The following ADGRD2 variants were observed in gnomAD, a reference collection of about 807,000 sequenced individuals.
ADGRD2 encodes adhesion G protein-coupled receptor D2.
Under a neutral mutation model 44.4 loss-of-function variants are expected in ADGRD2, and 71 were observed. The observed-to-expected ratio is 1.60, with a 90% confidence interval of 1.32 to 1.95. ADGRD2 has a LOEUF of 1.95. ADGRD2 is among the 30% of genes most tolerant of loss of function. The pLI is 0.00. For missense variants in ADGRD2, 1,039 were observed against 512.4 expected (o/e 2.03, Z -9.92); for synonymous variants, 481 against 224.8 (o/e 2.14, Z -10.19).
intron 10 of ADGRD2, chr9:124,466,029 A>G (rs1831816467): frequency 5.7e-6 from 2 of 352,970 alleles, no homozygotes; most frequent in Non-Finnish European, 1.0e-5. Flanking sequence ...TGGCTCAGTA[A>G]TTAATTAAGT....
Position 124,475,495 on chromosome 9 carries a change from TG to T in ADGRD2, c.2800+13del, listed in dbSNP as rs1445788501. 2.8e-6 allele frequency: 2 copies of T among 714,758 alleles called. No homozygotes were observed. Among genetic ancestry groups the T allele is most frequent in the South Asian group, 1.5e-5 (1 of 67,100 alleles). The allele number at this position is 714,758 out of a possible 1,614,324, so 44.3% of individuals were successfully genotyped here. Reference sequence around the variant, plus strand: ...GCTGCCTGCAATGAGGAGGTGAGTCTGGGGGTGCCGGCTGCAGGGAGAGGGG... The same window carrying T: ...GCTGCCTGCAATGAGGAGGTGAGTCTGGGGTGCCGGCTGCAGGGAGAGGGG... On this transcript the variant is annotated intron_variant, in intron 18 of 21. Transcript: ENST00000334810.
At chr9:124,471,945 T>C (rs964923297) in intron 17 of ADGRD2, among the ~76,000 whole-genome samples, 13 of 152,270 alleles carry the variant, frequency 8.5e-5, no homozygotes, top group African/African-American at 3.1e-4. Flanking sequence ...CATGGCTGGG[T>C]TCAGTCTGGC....
chr9:124,463,760 G>C (rs1831761450), intron 10 of ADGRD2, among the ~76,000 whole-genome samples: 1 of 152,188 alleles, frequency 6.6e-6, no homozygotes, highest in Non-Finnish European at 1.5e-5. Flanking sequence ...CACATCTGTA[G>C]ACTCTACAGT....
chr9:124,462,835 C>G (rs886918615), intron 10 of ADGRD2, among the ~76,000 whole-genome samples: 1 of 152,142 alleles, frequency 6.6e-6, no homozygotes, highest in African/African-American at 2.4e-5. Flanking sequence ...ATGTTGTCTG[C>G]CAATAAAGGC....
chr9:124,470,439 G>T (rs1488076327), intron 16 of ADGRD2, 55 bp from the exon 20 acceptor site: 2 of 688,152 alleles, frequency 2.9e-6, no homozygotes, highest in African/African-American at 1.8e-5. Flanking sequence ...CTGGAGCCCT[G>T]CGGGGAGCTC....
At chr9:124,459,566 A>C (rs976100233) in intron 10 of ADGRD2, among the ~76,000 whole-genome samples, 2 of 152,174 alleles carry the variant, frequency 1.3e-5, no homozygotes, top group Non-Finnish European at 2.9e-5. Flanking sequence ...CCAAGGATTC[A>C]AGCAACCATG....
chr9:124,457,705 A>T, intron 8 of ADGRD2, 99 bp downstream of exon 11: 1 of 538,514 alleles, frequency 1.9e-6, no homozygotes, highest in Non-Finnish European at 3.3e-6. Context: ...TCAGATCCTC[A>T]GTTTGCTCGT....
chr9:124,451,997 G>GCCGGGGGGCCC, upstream of ADGRD2: 1 of 360,938 alleles, frequency 2.8e-6, no homozygotes, highest in Non-Finnish European at 5.5e-6. Context: ...TCCACTGAAT[G>GCCGGGGGGCCC]CCCCCCTCCC....
At chr9:124,464,303 G>T (rs994562897) in intron 10 of ADGRD2, among the ~76,000 whole-genome samples, 1 of 152,120 alleles carries the variant, frequency 6.6e-6, no homozygotes, top group Non-Finnish European at 1.5e-5. Flanking sequence ...ACATTTTGGT[G>T]CATTTTACTT....
At chr9:124,451,386 T>C, upstream of ADGRD2, 1 of 375,040 alleles carries the variant, frequency 2.7e-6, no homozygotes, top group South Asian at 2.0e-5. Context: ...GGCGACAGTG[T>C]TTCCCTGCTT....
At chr9:124,453,639 G>A (rs760837309) in exon 3 of ADGRD2, 36 of 700,784 alleles carry the variant, frequency 5.1e-5, no homozygotes, top group Non-Finnish European at 8.9e-5. Context: ...TCACGCCCTC[G>A]CTGCTGCCCA....
exon 3 of ADGRD2, chr9:124,453,299 C>G: frequency 2.1e-6 from 1 of 481,602 alleles, no homozygotes; most frequent in Non-Finnish European, 3.6e-6. Context: ...TTCCTCGCAG[C>G]CTTCCGCGCC....
At position 124,466,236 on chromosome 9, in the gene ADGRD2, C is replaced by T. The variant is rs770486116; in HGVS notation, c.1871-22C>T. On this transcript the variant is annotated intron_variant, in intron 10 of 21. Transcript: ENST00000334810. ...CCCTGCTTGCTTCTGGCCCCTCACC[C>T]CCTTGTCCACCTTATCTCAAGAGCC... The T allele has an allele frequency of 5.0e-6, 3 of 596,006 alleles. No homozygotes were observed. The South Asian group carries it at 6.3e-5, about 12-fold the overall frequency. The allele number at this position is 596,006 out of a possible 1,614,324, so 36.9% of individuals were successfully genotyped here.
chr9:124,459,306 A>G (rs1831680671), intron 10 of ADGRD2, among the ~76,000 whole-genome samples: 1 of 152,190 alleles, frequency 6.6e-6, no homozygotes, highest in Non-Finnish European at 1.5e-5. Flanking sequence ...AGCCTGGTCA[A>G]CATGGTGAAA....
intron 19 of ADGRD2, among the ~76,000 whole-genome samples, 200 bp downstream of exon 22, chr9:124,475,815 T>A (rs111996134): frequency 2.8e-4 from 43 of 152,240 alleles, no homozygotes; most frequent in African/African-American, 9.6e-4. Context: ...TCAGAGGTAC[T>A]CGCAGCACCC....
In ADGRD2 at chr9:124,454,364, AGC is replaced by A. The variant is rs1387152517; in HGVS notation, c.1023-119_1023-118del. ...ACCGTGTGTAAGACTCTGGACACAC[AGC>A]CATCAAGGTGCTCTTCCTTCCCTGG... On this transcript the variant is annotated intron_variant, in intron 4 of 21. Coordinates refer to ENST00000334810, the Ensembl canonical transcript of ADGRD2. This position sits in a 1 kb window ranked among gnomAD's most constrained non-coding sequence, Gnocchi z 4.5. 1.6e-6 allele frequency: 1 copy of A among 624,770 alleles called. No homozygotes were observed. The highest frequency in any genetic ancestry group is 2.9e-6 in the Non-Finnish European group (1 of 340,486). 38.7% of individuals were successfully genotyped at this position (624,770 alleles called of 1,614,324 possible). A position where few individuals can be genotyped will look rare whatever the true frequency, so the allele number is the denominator to read the frequency against.
At chr9:124,461,893 A>G (rs1831729065) in intron 10 of ADGRD2, among the ~76,000 whole-genome samples, 1 of 152,018 alleles carries the variant, frequency 6.6e-6, no homozygotes, top group Admixed American at 6.6e-5. Flanking sequence ...TTATAGGCAC[A>G]TGCCATCACG....
chr9:124,456,532 C>T, intron 6 of ADGRD2, 90 bp from the exon 10 acceptor site: 1 of 692,462 alleles, frequency 1.4e-6, no homozygotes, highest in South Asian at 1.5e-5. Context: ...GGACCACCTC[C>T]CAGATCATGG....
chr9:124,474,183 G>A (rs545089838), intron 17 of ADGRD2, among the ~76,000 whole-genome samples: 88 of 150,676 alleles, frequency 5.8e-4, no homozygotes, highest in African/African-American at 2.1e-3. Flanking sequence ...GCTGAGGAAG[G>A]AGAATCGCTT....
Sources: allele counts gnomAD v4.1 joint callset (sites outside exome capture counted in the v4.1 genomes callset), GRCh38; gene constraint gnomAD v4.1.1; non-coding constraint Gnocchi (gnomAD v3.1); transcripts MANE v1.5; gene names NCBI Gene and HGNC (gene_info 2026-07-23, HGNC 2026-07-21).